Variants in TMEM164 observed in about 807,000 individuals in gnomAD.
The protein encoded by TMEM164 is transmembrane protein 164.
TMEM164 carries 4 observed loss-of-function variants against 18.8 expected under a neutral mutation model. That is an observed-to-expected ratio of 0.21 (90% CI 0.10 to 0.49). The LOEUF is 0.49. TMEM164 is among the 20% of genes least tolerant of loss of function. TMEM164 has a pLI of 0.98. For missense variants in TMEM164, 108 were observed against 239.9 expected (o/e 0.45, Z 3.63); for synonymous variants, 86 against 101.7 (o/e 0.85, Z 0.93).
At position 110,003,665 on chromosome X, in the gene TMEM164, G is replaced by T; in HGVS notation, c.-110G>T. 4 of 925,130 alleles carry T rather than the reference G, an allele frequency of 4.3e-6. No individual in the cohort carries two copies. The highest frequency in any genetic ancestry group is 4.2e-4 in the Middle Eastern group (1 of 2,382). 76.2% of individuals were successfully genotyped at this position (925,130 alleles called of 1,213,427 possible). On this transcript the variant is annotated 5_prime_UTR_variant, in exon 2 of 7. Coordinates refer to ENST00000372068, the MANE Select transcript of TMEM164 (RefSeq NM_032227.4). ...TCGGTGCCCTGGTGTCTGGAGGGGG[G>T]TTGTGGGGGTGTGCCCGCCTTACAT...
At chrX:110,159,749 T>C (rs1292759442) in intron 5 of TMEM164, among the ~76,000 whole-genome samples, 1 of 111,168 alleles carries the variant, frequency 9.0e-6, no homozygotes, top group East Asian at 2.8e-4. Flanking sequence ...AATGGAGGGC[T>C]AGAGGAATCT....
intron 5 of TMEM164, among the ~76,000 whole-genome samples, chrX:110,168,718 C>T (rs1192764537): frequency 1.8e-5 from 2 of 112,480 alleles, no homozygotes; most frequent in South Asian, 3.7e-4. Context: ...TTCTCGCCCA[C>T]ATGCTCTCCT....
intron 2 of TMEM164, among the ~76,000 whole-genome samples, chrX:110,065,780 C>T (rs1041884347): frequency 1.8e-5 from 2 of 111,348 alleles, no homozygotes; most frequent in Admixed American, 9.5e-5. Flanking sequence ...GGCAGTACCC[C>T]GCAATTAAAT....
intron 3 of TMEM164, among the ~76,000 whole-genome samples, chrX:110,083,542 C>T (rs1049928696): frequency 1.4e-4 from 15 of 110,872 alleles, no homozygotes; most frequent in Non-Finnish European, 3.8e-5. Context: ...ACCATTTTTT[C>T]GTCCAAATGA....
At chrX:110,159,508 G>C (rs1323958116) in intron 5 of TMEM164, among the ~76,000 whole-genome samples, 1 of 110,725 alleles carries the variant, frequency 9.0e-6, no homozygotes, top group Non-Finnish European at 1.9e-5. Flanking sequence ...GACCTGTAGA[G>C]TTGAGGAGGT....
Position 110,152,676 on chromosome X carries a change from T to C in TMEM164, c.586+7800T>C, listed in dbSNP as rs183846711. Among the ~76,000 whole-genome samples the C allele has an allele frequency of 5.5e-3, 607 of 110,952 alleles. 1 individual carries two copies. The highest frequency in any genetic ancestry group is 8.7e-3 in the Admixed American group (90 of 10,402). On this transcript the variant is annotated intron_variant, in intron 5 of 6. Coordinates refer to ENST00000372068, the MANE Select transcript of TMEM164 (RefSeq NM_032227.4). Reference sequence around the variant, plus strand: ...ATTGGCTGCTGTGTGGAGAAATCACTGGGTCCTCCTGCTCTTACCTCCTAA... The same window carrying C: ...ATTGGCTGCTGTGTGGAGAAATCACCGGGTCCTCCTGCTCTTACCTCCTAA...
chrX:110,018,556 GA>G (rs1220151663), intron 2 of TMEM164, among the ~76,000 whole-genome samples: 5 of 112,185 alleles, frequency 4.5e-5, no homozygotes, highest in Non-Finnish European at 9.4e-5. Context: ...CATGGTTTTT[GA>G]TTTGTTTTGT....
rs1350596148 is a variant in TMEM164 at position 110,176,116 on chromosome X, G to A, written c.*2665G>A. ...TTGCCAGCGTGTGGGAGCTCTGCGC[G>A]TGTGTGAGGGTGTTTGTAGAAGAGG... On this transcript the variant is annotated 3_prime_UTR_variant, in exon 7 of 7. Transcript: ENST00000372068. 2.8e-5 allele frequency: 21 copies of A among 755,184 alleles called. No individual in the cohort carries two copies. Among genetic ancestry groups the A allele is most frequent in the Non-Finnish European group, 3.3e-5 (21 of 639,434 alleles). 62.2% of individuals were successfully genotyped at this position (755,184 alleles called of 1,213,427 possible). A position where few individuals can be genotyped will look rare whatever the true frequency, so the allele number is the denominator to read the frequency against.
chrX:110,103,635 G>A (rs1269306447), intron 3 of TMEM164, among the ~76,000 whole-genome samples: 2 of 110,892 alleles, frequency 1.8e-5, no homozygotes, highest in Non-Finnish European at 3.8e-5. Flanking sequence ...GATGGGGGTC[G>A]GGGTGGGGGC....
At chrX:110,112,448 A>T (rs1189283682) in intron 4 of TMEM164, among the ~76,000 whole-genome samples, 1 of 111,319 alleles carries the variant, frequency 9.0e-6, no homozygotes, top group African/African-American at 3.3e-5. Flanking sequence ...TTATCCTAGG[A>T]GTTCAAGGCT....
At chrX:110,033,280 T>A (rs1290628256) in intron 2 of TMEM164, among the ~76,000 whole-genome samples, 1 of 112,128 alleles carries the variant, frequency 8.9e-6, no homozygotes, top group East Asian at 2.8e-4. Context: ...ATGCAAAAAA[T>A]GTCGTTTCTT....
At chrX:110,170,843 G>T (rs769504626) in intron 5 of TMEM164, among the ~76,000 whole-genome samples, 1 of 111,911 alleles carries the variant, frequency 8.9e-6, no homozygotes, top group South Asian at 3.7e-4. Flanking sequence ...TAAGAAGTAG[G>T]TAGTACTATT....
chrX:110,176,001 C>T lies in TMEM164; in HGVS notation c.*2550C>T, dbSNP rs2067285284. 1.3e-6 allele frequency: 1 copy of T among 755,014 alleles called. No homozygotes were observed. Among genetic ancestry groups the T allele is most frequent in the East Asian group, 1.5e-4 (1 of 6,596 alleles). 62.2% of individuals were successfully genotyped at this position (755,014 alleles called of 1,213,427 possible). A position where few individuals can be genotyped will look rare whatever the true frequency, so the allele number is the denominator to read the frequency against. On this transcript the variant is annotated 3_prime_UTR_variant, in exon 7 of 7. Coordinates refer to ENST00000372068, the MANE Select transcript of TMEM164 (RefSeq NM_032227.4). ...AGGGAGAAGCTGGAGCTTGCACACC[C>T]AGTGGCCAGTGGGGCTGTCTTCCCA... is the stretch of plus-strand genomic sequence containing the variant.
chrX:110,156,670 G>T (rs1193782476), intron 5 of TMEM164, among the ~76,000 whole-genome samples: 1 of 111,743 alleles, frequency 8.9e-6, no homozygotes, highest in Non-Finnish European at 1.9e-5. Context: ...AGTTCTGGAG[G>T]CTGGGAAGTC....
At chrX:110,092,759 G>A (rs1266802530) in intron 3 of TMEM164, among the ~76,000 whole-genome samples, 1 of 111,933 alleles carries the variant, frequency 8.9e-6, no homozygotes, top group African/African-American at 3.3e-5. Context: ...GAATAGTAGT[G>A]GTGAGAGAGG....
intron 2 of TMEM164, chrX:110,046,592 C>T: frequency 2.0e-6 from 1 of 499,223 alleles, no homozygotes; most frequent in Non-Finnish European, 2.5e-6. Flanking sequence ...AGTTTCTCTT[C>T]TGGTGTCACT....
intron 2 of TMEM164, among the ~76,000 whole-genome samples, chrX:110,060,537 A>G (rs1189704646): frequency 2.7e-5 from 3 of 112,122 alleles, no homozygotes; most frequent in Non-Finnish European, 5.6e-5. Flanking sequence ...TTACATAACT[A>G]TGGTAAAATT....
At chrX:110,143,383 C>T (rs1241980101) in intron 4 of TMEM164, among the ~76,000 whole-genome samples, 2 of 44,568 alleles carry the variant, frequency 4.5e-5, no homozygotes, top group Non-Finnish European at 9.3e-5. Flanking sequence ...TCCATAGCTA[C>T]CTTGTGCTGA....
At chrX:110,037,552 T>C (rs1029321313) in intron 2 of TMEM164, among the ~76,000 whole-genome samples, 2 of 112,105 alleles carry the variant, frequency 1.8e-5, no homozygotes, top group Non-Finnish European at 3.8e-5. Flanking sequence ...TGTGGAGGGC[T>C]TGTAGCTGGG....
Sources: gnomAD v4.1 joint callset for allele counts (sites outside exome capture counted in the v4.1 genomes callset) on GRCh38, gnomAD v4.1.1 for gene constraint, MANE v1.5 for transcripts, NCBI Gene and HGNC (gene_info 2026-07-23, HGNC 2026-07-21) for gene names.